The following NFIB variants were observed in gnomAD, a reference collection of about 807,000 sequenced individuals.
NFIB encodes the protein nuclear factor 1 B-type.
A neutral mutation model predicts 61.5 loss-of-function variants in NFIB; 11 were observed. The ratio of observed to expected loss-of-function variants is 0.18; its 90% CI spans 0.11 to 0.30. NFIB has a LOEUF of 0.30. Among genes scored for constraint, NFIB ranks in the 10% least tolerant of loss-of-function variants. The pLI, the probability that NFIB is intolerant of heterozygous loss-of-function variation, is 1.00. For missense variants in NFIB, 471 were observed against 608.9 expected (o/e 0.77, Z 2.38); for synonymous variants, 260 against 216.5 (o/e 1.20, Z -1.76).
chr9:14,511,434 T>C, the NFIB span, among the ~76,000 whole-genome samples: 3 of 152,206 alleles, frequency 2.0e-5, no homozygotes, highest in African/African-American at 7.2e-5. Context: ...AATTTATTTT[T>C]TCATAATCAT....
At position 14,087,268 on chromosome 9, in the gene NFIB, A is replaced by T. The variant is rs1026690578; in HGVS notation, c.*1041T>A. 2.0e-5 allele frequency: 4 copies of T among 205,106 alleles called. No individual in the cohort carries two copies. The highest frequency in any genetic ancestry group is 4.0e-5 in the Non-Finnish European group (4 of 99,978). The allele number at this position is 205,106 out of a possible 1,614,324, so 12.7% of individuals were successfully genotyped here. ...CATTAATTTTATTTTTCTCAAGCAC[A>T]TGATTTGTCTTGATTTAATGCCTTT... On this transcript the variant is annotated 3_prime_UTR_variant, in exon 11 of 11. Coordinates refer to ENST00000380953, the MANE Select transcript of NFIB (RefSeq NM_001190737.2).
chr9:14,212,653 GT>G (rs1350654433), intron 2 of NFIB, among the ~76,000 whole-genome samples: 1 of 147,566 alleles, frequency 6.8e-6, no homozygotes, highest in Non-Finnish European at 1.5e-5. Flanking sequence ...AAAAAAACAT[GT>G]TTAAAACTCT....
the NFIB span, among the ~76,000 whole-genome samples, chr9:14,465,136 A>G: frequency 6.6e-6 from 1 of 152,206 alleles, no homozygotes; most frequent in Non-Finnish European, 1.5e-5. Flanking sequence ...AGGACCATGC[A>G]AGATTTGCTC....
intron 6 of NFIB, among the ~76,000 whole-genome samples, chr9:14,143,763 T>A (rs1171880200): frequency 6.6e-6 from 1 of 152,152 alleles, no homozygotes; most frequent in African/African-American, 2.4e-5. Flanking sequence ...CACAGGGAAG[T>A]GTGTCTAAAG....
chr9:14,156,656 G>A (rs569303231), intron 3 of NFIB, among the ~76,000 whole-genome samples: 1 of 152,194 alleles, frequency 6.6e-6, no homozygotes, highest in South Asian at 2.1e-4. Flanking sequence ...TTGCTAGCTG[G>A]TCTATGTCCA....
intron 1 of NFIB, among the ~76,000 whole-genome samples, chr9:14,379,055 C>T (rs1422722080): frequency 6.6e-6 from 1 of 152,224 alleles, no homozygotes; most frequent in Non-Finnish European, 1.5e-5. Flanking sequence ...CAGGTATTCA[C>T]AACCTGTTGA....
In NFIB at chr9:14,395,120, C is replaced by G. The variant is rs149125086; in HGVS notation, c.108+3404G>C. Among the ~76,000 whole-genome samples the G allele has an allele frequency of 7.1e-3, 1,082 of 151,954 alleles. 11 individuals carry two copies. Among genetic ancestry groups the G allele is most frequent in the African/African-American group, 0.025 (1,021 of 41,440 alleles). Reference sequence around the variant, plus strand: ...GGTGTCTGGTGGCTTCCTCAGAACCCTGGGTGCCAAGATGTCAGTGTATGC... The same window carrying G: ...GGTGTCTGGTGGCTTCCTCAGAACCGTGGGTGCCAAGATGTCAGTGTATGC... On this transcript the variant is annotated intron_variant, in intron 1 of 8. Transcript: ENST00000380934.
chr9:14,495,634 C>T, the NFIB span, among the ~76,000 whole-genome samples: 2 of 151,848 alleles, frequency 1.3e-5, no homozygotes, highest in Admixed American at 6.6e-5. Flanking sequence ...TTTCAGGTTT[C>T]CAGGTGCAGT....
At chr9:14,406,842 T>G in the NFIB span, among the ~76,000 whole-genome samples, 1 of 152,232 alleles carries the variant, frequency 6.6e-6, no homozygotes, top group African/African-American at 2.4e-5. Context: ...ATTTGTGGTC[T>G]TGTCAGTTTG....
intron 2 of NFIB, among the ~76,000 whole-genome samples, chr9:14,257,847 A>C (rs1174233539): frequency 2.0e-5 from 3 of 152,242 alleles, no homozygotes; most frequent in African/African-American, 7.2e-5. Context: ...GAATTTATTA[A>C]TATAAGTAGG....
intron 1 of NFIB, among the ~76,000 whole-genome samples, chr9:14,377,607 T>C (rs1325628425): frequency 6.6e-6 from 1 of 152,186 alleles, no homozygotes; most frequent in Non-Finnish European, 1.5e-5. Flanking sequence ...AAGAGAATAC[T>C]GTATTTTTGA....
intron 4 of NFIB, among the ~76,000 whole-genome samples, chr9:14,153,202 C>T (rs776217503): frequency 7.9e-5 from 12 of 151,962 alleles, no homozygotes; most frequent in South Asian, 2.1e-4. Flanking sequence ...AATTTGTCTA[C>T]GGATTTATGC....
intron 1 of NFIB, among the ~76,000 whole-genome samples, chr9:14,388,934 GT>G (rs1364406005): frequency 1.1e-4 from 17 of 152,256 alleles, no homozygotes; most frequent in Admixed American, 6.5e-5. Context: ...TTACAAGGAA[GT>G]TTTTAAAATT....
intron 9 of NFIB, among the ~76,000 whole-genome samples, chr9:14,114,277 C>A (rs1217153685): frequency 1.3e-5 from 2 of 152,120 alleles, no homozygotes; most frequent in Non-Finnish European, 2.9e-5. Flanking sequence ...AACCAGTGAC[C>A]CCTACTCAAT....
the NFIB span, among the ~76,000 whole-genome samples, chr9:14,405,258 T>G: frequency 6.6e-6 from 1 of 152,208 alleles, no homozygotes; most frequent in Admixed American, 6.5e-5. Flanking sequence ...GAGCAGAGCC[T>G]CCTCACCAAT....
At chr9:14,348,224 C>A (rs933907046) in intron 1 of NFIB, among the ~76,000 whole-genome samples, 1 of 152,186 alleles carries the variant, frequency 6.6e-6, no homozygotes, top group Non-Finnish European at 1.5e-5. Context: ...TCAATTATAT[C>A]ATACAACTGC....
At chr9:14,388,747 T>C (rs537541989) in intron 1 of NFIB, among the ~76,000 whole-genome samples, 6 of 152,320 alleles carry the variant, frequency 3.9e-5, no homozygotes, top group Non-Finnish European at 5.9e-5. Flanking sequence ...ATCTGTGACA[T>C]TGTATTTCTT....
chr9:14,325,413 T>G (rs1011156927), intron 1 of NFIB, among the ~76,000 whole-genome samples: 1 of 152,186 alleles, frequency 6.6e-6, no homozygotes, highest in African/African-American at 2.4e-5. Flanking sequence ...AGTTTCTGTA[T>G]GTTGTCTTCA....
rs1587311919 is a variant in NFIB at position 14,174,264 on chromosome 9, C to A, written c.616+5463G>T. ...GTTTTACCTACGATGTCAGGTCTTA[C>A]CTGCCATTAACCAGTCCTTTCAGCA... is the stretch of plus-strand genomic sequence containing the variant. On this transcript the variant is annotated intron_variant, in intron 3 of 10. Coordinates refer to ENST00000380953, the MANE Select transcript of NFIB (RefSeq NM_001190737.2). Among the ~76,000 whole-genome samples, 7 of 152,296 alleles carry A rather than the reference C, an allele frequency of 4.6e-5. No homozygotes were observed. In the South Asian group the frequency reaches 1.4e-3, roughly 32 times the overall value.
Sources: gnomAD v4.1 joint callset for allele counts (sites outside exome capture counted in the v4.1 genomes callset) on GRCh38, gnomAD v4.1.1 for gene constraint, MANE v1.5 for transcripts, NCBI Gene and HGNC (gene_info 2026-07-23, HGNC 2026-07-21) for gene names.